The following IL1RAPL2 variants were observed in gnomAD, a reference collection of about 807,000 sequenced individuals.
IL1RAPL2 encodes X-linked interleukin-1 receptor accessory protein-like 2.
In IL1RAPL2, 3 loss-of-function variants were observed where a neutral mutation model predicts 44.1. That is an observed-to-expected ratio of 0.07 (90% CI 0.03 to 0.18). The LOEUF (loss-of-function observed/expected upper bound fraction) is 0.18, where lower values mean the gene tolerates loss of function less well. Ranked by LOEUF, IL1RAPL2 falls within the 10% of genes least tolerant of loss-of-function variation. IL1RAPL2 has a pLI of 1.00. For missense variants in IL1RAPL2, 391 were observed against 496.4 expected (o/e 0.79, Z 2.02); for synonymous variants, 181 against 178.8 (o/e 1.01, Z -0.10).
At chrX:104,929,696 T>G (rs1398678092) in intron 2 of IL1RAPL2, among the ~76,000 whole-genome samples, 1 of 111,852 alleles carries the variant, frequency 8.9e-6, no homozygotes, top group Non-Finnish European at 1.9e-5. Context: ...ACACCTGACA[T>G]CTTCATTAAT....
chrX:104,935,359 A>AT (rs1040709725), intron 2 of IL1RAPL2, among the ~76,000 whole-genome samples: 9 of 111,635 alleles, frequency 8.1e-5, no homozygotes, highest in Non-Finnish European at 1.7e-4. Context: ...GACTTTTGAC[A>AT]TTTTTTTTGG....
intron 7 of IL1RAPL2, among the ~76,000 whole-genome samples, chrX:105,729,067 C>CTT (rs1451756565): frequency 9.0e-6 from 1 of 110,894 alleles, no homozygotes; most frequent in African/African-American, 3.3e-5. Context: ...TGGTTAATTT[C>CTT]TTTTTATCAA....
At chrX:105,318,030 T>C (rs1180745869) in intron 5 of IL1RAPL2, among the ~76,000 whole-genome samples, 2 of 108,083 alleles carry the variant, frequency 1.9e-5, no homozygotes, top group African/African-American at 6.7e-5. Flanking sequence ...TGGAGTGCAG[T>C]GGCGCGATCT....
intron 6 of IL1RAPL2, among the ~76,000 whole-genome samples, chrX:105,598,243 A>AAC (rs1190476181): frequency 7.2e-5 from 8 of 110,746 alleles, no homozygotes; most frequent in East Asian, 2.8e-4. Flanking sequence ...TATAAGTGAA[A>AAC]ACACACACAC....
At chrX:105,249,847 G>A (rs2034254890) in intron 4 of IL1RAPL2, among the ~76,000 whole-genome samples, 1 of 111,464 alleles carries the variant, frequency 9.0e-6, no homozygotes, top group South Asian at 3.7e-4. Context: ...AACTGTGCTT[G>A]TAGGCAGTTA....
intron 7 of IL1RAPL2, among the ~76,000 whole-genome samples, chrX:105,730,643 A>C (rs2038398627): frequency 9.0e-6 from 1 of 111,286 alleles, no homozygotes; most frequent in South Asian, 3.7e-4. Context: ...AATTTTTTAA[A>C]ATTGAAATCA....
At chrX:105,078,436 C>T (rs775473356) in intron 2 of IL1RAPL2, among the ~76,000 whole-genome samples, 49 of 111,548 alleles carry the variant, frequency 4.4e-4, no homozygotes, top group African/African-American at 1.1e-3. Flanking sequence ...GGTGTCAGTC[C>T]GCCCCTACTT....
At chrX:104,624,488 T>C (rs1277264070) in intron 1 of IL1RAPL2, among the ~76,000 whole-genome samples, 1 of 111,804 alleles carries the variant, frequency 8.9e-6, no homozygotes, top group Non-Finnish European at 1.9e-5. Flanking sequence ...ATTGAAAATG[T>C]AAATGCAAAT....
intron 2 of IL1RAPL2, among the ~76,000 whole-genome samples, chrX:104,730,345 G>A (rs1176134999): frequency 1.1e-5 from 1 of 91,151 alleles, no homozygotes; most frequent in African/African-American, 3.7e-5. Flanking sequence ...TTAGCATTAG[G>A]TGTATCTCCT....
At chrX:104,607,626 GA>G (rs1401854333) in intron 1 of IL1RAPL2, among the ~76,000 whole-genome samples, 4 of 111,828 alleles carry the variant, frequency 3.6e-5, no homozygotes, top group African/African-American at 1.3e-4. Context: ...ACAAACATAC[GA>G]AAAAATGCTC....
chrX:105,716,803 T>G (rs2038260219), intron 6 of IL1RAPL2, among the ~76,000 whole-genome samples: 1 of 112,141 alleles, frequency 8.9e-6, no homozygotes, highest in African/African-American at 3.2e-5. Flanking sequence ...AACCAAAAAT[T>G]TACTTATACT....
At chrX:104,809,102 G>A (rs764493577) in intron 2 of IL1RAPL2, among the ~76,000 whole-genome samples, 28 of 111,913 alleles carry the variant, frequency 2.5e-4, no homozygotes, top group Admixed American at 4.7e-4. Flanking sequence ...ACCTGAAAAC[G>A]AGAAGTTGCA....
At chrX:105,716,806 C>T (rs2038260271) in intron 6 of IL1RAPL2, among the ~76,000 whole-genome samples, 1 of 111,927 alleles carries the variant, frequency 8.9e-6, no homozygotes, top group Non-Finnish European at 1.9e-5. Context: ...CAAAAATTTA[C>T]TTATACTTTT....
At chrX:104,964,099 G>T (rs749256898) in intron 2 of IL1RAPL2, among the ~76,000 whole-genome samples, 113 of 110,051 alleles carry the variant, frequency 1.0e-3, no homozygotes, top group African/African-American at 3.7e-3. Context: ...TTTGAAAATT[G>T]CCCAATAACT....
At chrX:105,008,421 A>G (rs1267119679) in intron 2 of IL1RAPL2, among the ~76,000 whole-genome samples, 3 of 111,238 alleles carry the variant, frequency 2.7e-5, no homozygotes, top group African/African-American at 9.8e-5. Context: ...TCTAATCAAA[A>G]AGAGAATTTT....
chrX:105,382,730 A>T (rs78637254), intron 5 of IL1RAPL2, among the ~76,000 whole-genome samples: 1 of 95,116 alleles, frequency 1.1e-5, no homozygotes, highest in East Asian at 2.9e-4. Flanking sequence ...CAAATGTCCA[A>T]CAATGATAGA....
chrX:105,501,266 T>C (rs2036392748), intron 6 of IL1RAPL2, among the ~76,000 whole-genome samples: 1 of 111,903 alleles, frequency 8.9e-6, no homozygotes, highest in Non-Finnish European at 1.9e-5. Context: ...AATTTCATTA[T>C]ATTTTACAAA....
At chrX:105,200,443 A>ATCACACCAATATT (rs782312493) in intron 3 of IL1RAPL2, among the ~76,000 whole-genome samples, 7 of 112,366 alleles carry the variant, frequency 6.2e-5, no homozygotes, top group Non-Finnish European at 1.1e-4. Flanking sequence ...CAATCGAAGA[A>ATCACACCAATATT]TCACACCAAT....
intron 5 of IL1RAPL2, among the ~76,000 whole-genome samples, chrX:105,319,276 G>A (rs930933943): frequency 8.9e-5 from 10 of 111,924 alleles, no homozygotes; most frequent in African/African-American, 2.9e-4. Flanking sequence ...GCCACAGCAA[G>A]GTCACCCACG....
Sources: gnomAD v4.1 joint callset for allele counts (sites outside exome capture counted in the v4.1 genomes callset) on GRCh38, gnomAD v4.1.1 for gene constraint, MANE v1.5 for transcripts, NCBI Gene and HGNC (gene_info 2026-07-23, HGNC 2026-07-21) for gene names.